Variants in CLOCK observed in about 807,000 individuals in gnomAD.
The protein encoded by CLOCK is circadian locomoter output cycles protein kaput.
CLOCK carries 43 observed loss-of-function variants against 118.4 expected under a neutral mutation model. The ratio of observed to expected loss-of-function variants is 0.36; its 90% CI spans 0.28 to 0.47. The LOEUF (loss-of-function observed/expected upper bound fraction) is 0.47, where lower values mean the gene tolerates loss of function less well. Among genes scored for constraint, CLOCK ranks in the 20% least tolerant of loss-of-function variants. The pLI is 1.00. For synonymous variants in CLOCK, 326 were observed against 339.2 expected (o/e 0.96, Z 0.43); for missense variants, 846 against 999.9 (o/e 0.85, Z 2.08).
rs890988186 is a variant in CLOCK, at chr4:55,430,895, C to G, written c.*4520G>C. The stretch of plus-strand genomic sequence containing the variant: ...AAATCAAACTAGGCATCTACAATCT[C>G]TTGACTCCACCACATTCAAAACAAA... On this transcript the variant is annotated 3_prime_UTR_variant, in exon 23 of 23. Transcript: ENST00000513440. The G allele has an allele frequency of 1.3e-5, 2 of 152,162 alleles. No individual in the cohort carries two copies. The highest frequency in any genetic ancestry group is 6.5e-5 in the Admixed American group (1 of 15,276). 9.4% of individuals were successfully genotyped at this position (152,162 alleles called of 1,614,324 possible). A position where few individuals can be genotyped will look rare whatever the true frequency, so the allele number is the denominator to read the frequency against.
intron 2 of CLOCK, among the ~76,000 whole-genome samples, chr4:55,505,351 T>C (rs1484578729): frequency 1.3e-5 from 2 of 151,984 alleles, no homozygotes; most frequent in Non-Finnish European, 2.9e-5. Context: ...GTATTTTTAA[T>C]GGAAATAAAT....
intron 7 of CLOCK, among the ~76,000 whole-genome samples, chr4:55,472,140 G>C (rs1247220043): frequency 2.6e-5 from 4 of 152,094 alleles, no homozygotes; most frequent in Non-Finnish European, 4.4e-5. Context: ...TGTCGTCAAG[G>C]AATCAATGGA....
intron 2 of CLOCK, among the ~76,000 whole-genome samples, chr4:55,502,484 G>A (rs1274410941): frequency 6.6e-6 from 1 of 151,944 alleles, no homozygotes; most frequent in African/African-American, 2.4e-5. Context: ...AATACTACTG[G>A]AACAACTGGA....
chr4:55,476,972 T>C (rs1156263498), intron 6 of CLOCK, among the ~76,000 whole-genome samples: 1 of 152,144 alleles, frequency 6.6e-6, no homozygotes, highest in Admixed American at 6.5e-5. Context: ...AAAGTTAGCA[T>C]ATTAGAAATG....
chr4:55,472,565 T>C (rs755550105), intron 7 of CLOCK, among the ~76,000 whole-genome samples: 1 of 152,180 alleles, frequency 6.6e-6, no homozygotes, highest in Non-Finnish European at 1.5e-5. Flanking sequence ...AAAAGGATAG[T>C]GACCTCTGAT....
Position 55,459,246 on chromosome 4 carries a change from TCTAA to T in CLOCK, c.571_574del (p.Leu191AsnfsTer11). 1.2e-6 allele frequency: 2 copies of T among 1,607,482 alleles called. No homozygotes were observed. The highest frequency in any genetic ancestry group is 1.7e-6 in the Non-Finnish European group (2 of 1,174,166). Reference sequence around the variant, plus strand: ...TCCTCGCAGCATGTGACAACAGAATTCTAACTGATTTTTTGCTGAAATAAAAGAG... The same window carrying T: ...TCCTCGCAGCATGTGACAACAGAATTCTGATTTTTTGCTGAAATAAAAGAG... On this transcript the variant is annotated frameshift_variant, in exon 10 of 23. Coordinates refer to ENST00000513440, the MANE Select transcript of CLOCK (RefSeq NM_004898.4). LOFTEE classifies it high-confidence loss of function.
chr4:55,507,343 T>C (rs1301706787), intron 2 of CLOCK, among the ~76,000 whole-genome samples: 2 of 151,764 alleles, frequency 1.3e-5, no homozygotes, highest in East Asian at 3.9e-4. Context: ...CCAGGCATGG[T>C]GGCTCACACC....
chr4:55,445,780 A>G (rs13121235), intron 18 of CLOCK, among the ~76,000 whole-genome samples: 88,023 of 150,652 alleles, frequency 0.58, 27,311 homozygotes, highest in South Asian at 0.81. Flanking sequence ...TTTTCTTGTA[A>G]AAATAGGGTC....
At chr4:55,523,352 G>C (rs923097407) in intron 1 of CLOCK, among the ~76,000 whole-genome samples, 2 of 152,086 alleles carry the variant, frequency 1.3e-5, no homozygotes, top group Non-Finnish European at 2.9e-5. Flanking sequence ...ACTCTCACTT[G>C]TGACCAAAGA....
At chr4:55,478,307 C>T (rs1726671145) in intron 6 of CLOCK, among the ~76,000 whole-genome samples, 1 of 151,974 alleles carries the variant, frequency 6.6e-6, no homozygotes. Flanking sequence ...CACATAAGAA[C>T]TTTATACTAT....
intron 3 of CLOCK, chr4:55,486,433 A>G (rs1727300539): frequency 6.6e-6 from 1 of 152,136 alleles, no homozygotes; most frequent in African/African-American, 2.4e-5. Context: ...ATTCATCATC[A>G]TCCTGGTGAT....
intron 1 of CLOCK, among the ~76,000 whole-genome samples, chr4:55,527,515 T>C (rs888727011): frequency 3.9e-5 from 6 of 151,994 alleles, no homozygotes; most frequent in Admixed American, 1.3e-4. Context: ...AAATAATACC[T>C]TTTTTAAAAA....
At chr4:55,482,930 C>T (rs532555600) in intron 3 of CLOCK, 102 bp from the exon 4 acceptor site, 9 of 539,130 alleles carry the variant, frequency 1.7e-5, no homozygotes, top group South Asian at 3.1e-5. Flanking sequence ...GACTTCAAAA[C>T]GTTTTGTTTG....
chr4:55,440,762 T>C lies in CLOCK; in HGVS notation c.2105+1670A>G, dbSNP rs146565762. Among the ~76,000 whole-genome samples the C allele has an allele frequency of 1.8e-3, 269 of 152,324 alleles. 1 individual carries two copies. The highest frequency in any genetic ancestry group is 5.7e-3 in the African/African-American group (237 of 41,576). ...AATGTGATAAGAATATTTTCTTTAA[T>C]CTGCTTTCGTGTAACTCACACTTCT... On this transcript the variant is annotated intron_variant, in intron 21 of 22. Transcript: ENST00000513440.
At chr4:55,515,467 C>T (rs534438051) in intron 1 of CLOCK, among the ~76,000 whole-genome samples, 13 of 152,228 alleles carry the variant, frequency 8.5e-5, no homozygotes, top group South Asian at 4.2e-4. Flanking sequence ...CTCCGCCTCC[C>T]GGGTTCAAGC....
intron 9 of CLOCK, among the ~76,000 whole-genome samples, 191 bp downstream of exon 9, chr4:55,463,494 A>G (rs1300321133): frequency 6.6e-6 from 1 of 152,110 alleles, no homozygotes; most frequent in Non-Finnish European, 1.5e-5. Context: ...TTCAATATAC[A>G]CTGAAATAGA....
intron 8 of CLOCK, among the ~76,000 whole-genome samples, chr4:55,467,029 G>C (rs1577732714): frequency 1.3e-5 from 2 of 151,960 alleles, no homozygotes; most frequent in African/African-American, 4.8e-5. Context: ...GAGGAAACTG[G>C]GTATAGTGCA....
intron 13 of CLOCK, among the ~76,000 whole-genome samples, chr4:55,455,665 A>G (rs1461104780): frequency 6.6e-6 from 1 of 152,196 alleles, no homozygotes; most frequent in East Asian, 1.9e-4. Flanking sequence ...GCTTCAGAAC[A>G]AGGTGTATTA....
At chr4:55,504,585 G>A (rs1728676486) in intron 2 of CLOCK, among the ~76,000 whole-genome samples, 1 of 152,042 alleles carries the variant, frequency 6.6e-6, no homozygotes. Context: ...TTTTTATGGA[G>A]CTGAGAACAA....
Sources: allele counts gnomAD v4.1 joint callset (sites outside exome capture counted in the v4.1 genomes callset), GRCh38; gene constraint gnomAD v4.1.1; transcripts MANE v1.5; gene names NCBI Gene and HGNC (gene_info 2026-07-23, HGNC 2026-07-21).